The following PASD1 variants were observed in gnomAD, a reference collection of about 807,000 sequenced individuals.
PASD1 encodes the protein circadian clock protein PASD1.
PASD1 carries 13 observed loss-of-function variants against 58.8 expected under a neutral mutation model. The observed-to-expected ratio is 0.22, with a 90% confidence interval of 0.14 to 0.35. The LOEUF is 0.35. PASD1 is among the 10% of genes least tolerant of loss of function. PASD1 has a pLI of 1.00. For missense variants in PASD1, 734 were observed against 568.3 expected, an observed-to-expected ratio of 1.29 and a Z score of -2.96; for synonymous variants, 236 against 216.7, an observed-to-expected ratio of 1.09 and a Z score of -0.78.
At chrX:151,668,401 G>A (rs1651115092) in intron 11 of PASD1, among the ~76,000 whole-genome samples, 1 of 110,877 alleles carries the variant, frequency 9.0e-6, no homozygotes, top group African/African-American at 3.3e-5. Context: ...TGCTGGATTC[G>A]GTTTGCCAGT....
intron 8 of PASD1, among the ~76,000 whole-genome samples, chrX:151,635,959 A>G (rs1018010061): frequency 8.9e-6 from 1 of 111,924 alleles, no homozygotes; most frequent in Non-Finnish European, 1.9e-5. Context: ...CAGTGTATAC[A>G]TATGTCAAAA....
intron 8 of PASD1, among the ~76,000 whole-genome samples, chrX:151,639,972 C>T (rs1421571796): frequency 8.9e-6 from 1 of 111,843 alleles, no homozygotes; most frequent in Non-Finnish European, 1.9e-5. Flanking sequence ...TAATAAATAG[C>T]AAAGACATAA....
intron 2 of PASD1, among the ~76,000 whole-genome samples, chrX:151,604,045 G>A (rs2013454797): frequency 9.0e-6 from 1 of 111,374 alleles, no homozygotes. Context: ...GTAGAGAGGA[G>A]CACATGTTGA....
In PASD1 at chrX:151,621,602, T is replaced by TTA; in HGVS notation, c.418+10_418+11insTA. On this transcript the variant is annotated intron_variant, in intron 6 of 15. Coordinates refer to ENST00000370357, the MANE Select transcript of PASD1 (RefSeq NM_173493.3). ...AGAGATATTTGTAATGGTAAGCAGT[T>TTA]CTGTTTATCTTATCTATATGACATT... The TTA allele has an allele frequency of 1.8e-6, 2 of 1,106,394 alleles. No individual in the cohort carries two copies. The highest frequency in any genetic ancestry group is 3.0e-5 in the East Asian group (1 of 32,919). 91.2% of individuals were successfully genotyped at this position (1,106,394 alleles called of 1,213,427 possible).
At chrX:151,605,195 G>A (rs868408760) in intron 3 of PASD1, among the ~76,000 whole-genome samples, 1 of 111,707 alleles carries the variant, frequency 9.0e-6, no homozygotes, top group Non-Finnish European at 1.9e-5. Flanking sequence ...CTTTGAGTGG[G>A]ACAGACAGGG....
intron 1 of PASD1, among the ~76,000 whole-genome samples, chrX:151,574,950 C>T (rs910601105): frequency 1.8e-5 from 2 of 111,762 alleles, no homozygotes; most frequent in African/African-American, 6.5e-5. Context: ...CTGCTCCCAG[C>T]CATCACGCAC....
intron 1 of PASD1, among the ~76,000 whole-genome samples, chrX:151,583,481 C>T (rs2013124884): frequency 8.9e-6 from 1 of 111,774 alleles, no homozygotes; most frequent in African/African-American, 3.2e-5. Context: ...AACAAGGGAC[C>T]TGAAGACAGA....
At chrX:151,641,565 T>A (rs2013996388) in intron 8 of PASD1, among the ~76,000 whole-genome samples, 1 of 111,339 alleles carries the variant, frequency 9.0e-6, no homozygotes, top group Admixed American at 9.6e-5. Context: ...TTGAAAGCCA[T>A]AAGAATCCAT....
At chrX:151,575,442 A>T (rs771560822) in intron 1 of PASD1, among the ~76,000 whole-genome samples, 2 of 111,296 alleles carry the variant, frequency 1.8e-5, no homozygotes, top group Non-Finnish European at 3.8e-5. Flanking sequence ...GATGATCTGG[A>T]TAGACTATCC....
At chrX:151,606,268 A>G (rs776689578) in intron 3 of PASD1, among the ~76,000 whole-genome samples, 10 of 112,171 alleles carry the variant, frequency 8.9e-5, no homozygotes, top group Non-Finnish European at 1.9e-4. Flanking sequence ...GGAGATGGAA[A>G]CATCAGGGAA....
Position 151,676,269 on chromosome X carries a change from A to G in PASD1, c.*126A>G, listed in dbSNP as rs199578847. ...GGTAGGGTTTAGTGGGTAGAGACTTATTTGTTTCCTGATAGGTTATGTTTG... is the reference window on the plus strand; with the variant it reads ...GGTAGGGTTTAGTGGGTAGAGACTTGTTTGTTTCCTGATAGGTTATGTTTG... On this transcript the variant is annotated 3_prime_UTR_variant, in exon 16 of 16. Coordinates refer to ENST00000370357, the MANE Select transcript of PASD1 (RefSeq NM_173493.3). 4 of 432,630 alleles carry G rather than the reference A, an allele frequency of 9.2e-6. No homozygotes were observed. Among genetic ancestry groups the G allele is most frequent in the Non-Finnish European group, 1.3e-5 (4 of 314,063 alleles). 35.7% of individuals were successfully genotyped at this position (432,630 alleles called of 1,213,427 possible). A position where few individuals can be genotyped will look rare whatever the true frequency, so the allele number is the denominator to read the frequency against.
At chrX:151,628,618 G>T (rs1464350518) in intron 8 of PASD1, among the ~76,000 whole-genome samples, 3 of 111,767 alleles carry the variant, frequency 2.7e-5, no homozygotes, top group African/African-American at 6.5e-5. Flanking sequence ...TTGAAGTCAG[G>T]TAGCATGATG....
chrX:151,668,340 A>G (rs909293104), intron 11 of PASD1, among the ~76,000 whole-genome samples: 2 of 111,655 alleles, frequency 1.8e-5, no homozygotes, highest in African/African-American at 6.5e-5. Flanking sequence ...CCAGCCTTGC[A>G]TCCCAGGGAT....
chrX:151,667,085 T>C (rs9723949), intron 11 of PASD1, among the ~76,000 whole-genome samples: 30,161 of 110,395 alleles, frequency 0.27, 4,027 homozygotes, highest in East Asian at 0.94. Context: ...TTCTAACTGG[T>C]GTGAGATGGT....
chrX:151,642,123 C>T (rs1376860525), intron 8 of PASD1, among the ~76,000 whole-genome samples: 2 of 111,919 alleles, frequency 1.8e-5, no homozygotes, highest in Non-Finnish European at 3.8e-5. Context: ...TTTGTTGTCC[C>T]TTTGTTAGCA....
intron 1 of PASD1, among the ~76,000 whole-genome samples, chrX:151,575,670 C>T (rs1339832293): frequency 6.5e-5 from 7 of 107,837 alleles, no homozygotes; most frequent in African/African-American, 1.7e-4. Flanking sequence ...TTTTTTGAGA[C>T]GAGGTCTCTC....
At chrX:151,649,960 T>C (rs2014110588) in intron 9 of PASD1, among the ~76,000 whole-genome samples, 1 of 112,461 alleles carries the variant, frequency 8.9e-6, no homozygotes, top group African/African-American at 3.2e-5. Flanking sequence ...ATTGTCCAAG[T>C]ATTGCTCATT....
At chrX:151,662,751 CT>C (rs1315933666) in intron 10 of PASD1, among the ~76,000 whole-genome samples, 9 of 112,024 alleles carry the variant, frequency 8.0e-5, no homozygotes, top group African/African-American at 2.9e-4. Flanking sequence ...AGAAATCTGG[CT>C]TTCATTATCT....
chrX:151,578,000 A>G (rs1420718620), intron 1 of PASD1, among the ~76,000 whole-genome samples: 2 of 111,998 alleles, frequency 1.8e-5, no homozygotes, highest in African/African-American at 6.5e-5. Context: ...TCCTAAGACT[A>G]GTATTTTTGT....
Sources: gnomAD v4.1 joint callset for allele counts (sites outside exome capture counted in the v4.1 genomes callset) on GRCh38, gnomAD v4.1.1 for gene constraint, MANE v1.5 for transcripts, NCBI Gene and HGNC (gene_info 2026-07-23, HGNC 2026-07-21) for gene names.